RSPO3: variants seen among roughly 807,000 people sequenced by gnomAD.
The protein encoded by RSPO3 is R-spondin 3, also known as R-spondin-3.
In RSPO3, 17 loss-of-function variants were observed where a neutral mutation model predicts 36.5. That is an observed-to-expected ratio of 0.47 (90% CI 0.32 to 0.70). The LOEUF (loss-of-function observed/expected upper bound fraction) is 0.70, where lower values mean the gene tolerates loss of function less well. Ranked by LOEUF, RSPO3 falls within the 30% of genes least tolerant of loss-of-function variation. RSPO3 has a pLI of 0.04. For missense variants in RSPO3, 294 were observed against 322.5 expected (o/e 0.91, Z 0.68); for synonymous variants, 108 against 107.0 (o/e 1.01, Z -0.06).
At chr6:127,167,307 TG>T (rs1774840774) in intron 4 of RSPO3, among the ~76,000 whole-genome samples, 1 of 151,924 alleles carries the variant, frequency 6.6e-6, no homozygotes, top group African/African-American at 2.4e-5. Context: ...TACCAGTGTG[TG>T]TTGTTTTCCC....
chr6:127,155,069 T>C (rs1028255720), intron 3 of RSPO3, among the ~76,000 whole-genome samples, 172 bp from the exon 4 acceptor site: 1 of 152,184 alleles, frequency 6.6e-6, no homozygotes, highest in Non-Finnish European at 1.5e-5. Flanking sequence ...AAACATTCAA[T>C]TTCTGCCTTT....
chr6:127,193,425 G>A (rs1156444495), intron 4 of RSPO3, among the ~76,000 whole-genome samples: 2 of 152,178 alleles, frequency 1.3e-5, no homozygotes, highest in South Asian at 4.1e-4. Context: ...ATGTTGGACC[G>A]TCATCAAGAG....
At chr6:127,184,434 C>A (rs1775249719) in intron 4 of RSPO3, among the ~76,000 whole-genome samples, 1 of 150,604 alleles carries the variant, frequency 6.6e-6, no homozygotes, top group Non-Finnish European at 1.5e-5. Flanking sequence ...ACATAGGGAC[C>A]CAATCAAACA....
chr6:127,182,470 T>C (rs1045839597), intron 4 of RSPO3, among the ~76,000 whole-genome samples: 6 of 152,018 alleles, frequency 3.9e-5, no homozygotes, highest in Admixed American at 6.6e-5. Flanking sequence ...TATTTCGTTC[T>C]TAAATACTTC....
intron 4 of RSPO3, among the ~76,000 whole-genome samples, chr6:127,167,072 T>C (rs573839006): frequency 8.5e-5 from 13 of 152,124 alleles, no homozygotes; most frequent in Non-Finnish European, 1.5e-4. Context: ...GACTATAATG[T>C]GTTTTGCTTT....
chr6:127,137,162 C>T (rs1381009019), intron 1 of RSPO3, among the ~76,000 whole-genome samples: 4 of 152,038 alleles, frequency 2.6e-5, no homozygotes, highest in East Asian at 1.9e-4. Flanking sequence ...GAGGCTGAGG[C>T]GGGTGGATCA....
intron 4 of RSPO3, among the ~76,000 whole-genome samples, chr6:127,161,500 CT>C (rs1403677971): frequency 2.0e-5 from 3 of 152,128 alleles, no homozygotes; most frequent in African/African-American, 7.2e-5. Context: ...TTTTTGTAGG[CT>C]CTCTGAGATT....
chr6:127,164,967 T>A (rs1276429419), intron 4 of RSPO3, among the ~76,000 whole-genome samples: 27 of 152,200 alleles, frequency 1.8e-4, no homozygotes, highest in East Asian at 5.8e-4. Context: ...ACATTTTATA[T>A]CTCAATGCAA....
intron 4 of RSPO3, among the ~76,000 whole-genome samples, chr6:127,178,777 AAC>A (rs1322796587): frequency 1.3e-5 from 2 of 151,806 alleles, no homozygotes; most frequent in East Asian, 1.9e-4. Context: ...AAGCAGACTA[AAC>A]ACACAGTTCT....
chr6:127,171,607 A>G (rs1160689364), intron 4 of RSPO3, among the ~76,000 whole-genome samples: 2 of 151,786 alleles, frequency 1.3e-5, no homozygotes, highest in East Asian at 3.9e-4. Flanking sequence ...GCTTGTTGTA[A>G]TGTTTAACAC....
At chr6:127,194,723 T>C (rs563565991) in intron 4 of RSPO3, among the ~76,000 whole-genome samples, 5 of 152,292 alleles carry the variant, frequency 3.3e-5, no homozygotes, top group Non-Finnish European at 5.9e-5. Context: ...CCTTTTCACA[T>C]CCAAACCTTT....
At chr6:127,161,580 T>C (rs1468308665) in intron 4 of RSPO3, among the ~76,000 whole-genome samples, 1 of 152,184 alleles carries the variant, frequency 6.6e-6, no homozygotes, top group Non-Finnish European at 1.5e-5. Flanking sequence ...TACTTAATTG[T>C]TATTATCATC....
At position 127,118,966 on chromosome 6, in the gene RSPO3, G is replaced by C. The variant is rs1773774584; in HGVS notation, c.-227G>C. On this transcript the variant is annotated 5_prime_UTR_variant, in exon 1 of 5. Transcript: ENST00000356698. ...CGATGCCAGCCACCCCAGCGAAGCC[G>C]CCGCAGTTCAGTGCTTGGATAATTT... 1 of 342,508 alleles carries C rather than the reference G, an allele frequency of 2.9e-6. No homozygotes were observed. The highest frequency in any genetic ancestry group is 1.2e-4 in the South Asian group (1 of 8,188). 21.2% of individuals were successfully genotyped at this position (342,508 alleles called of 1,614,324 possible).
At position 127,197,267 on chromosome 6, in the gene RSPO3, T is replaced by C. The variant is rs1775533400; in HGVS notation, c.*1260T>C. 2.4e-6 allele frequency: 2 copies of C among 833,210 alleles called. No individual in the cohort carries two copies. The highest frequency in any genetic ancestry group is 3.6e-6 in the Non-Finnish European group (2 of 552,102). 51.6% of individuals were successfully genotyped at this position (833,210 alleles called of 1,614,324 possible). A position where few individuals can be genotyped will look rare whatever the true frequency, so the allele number is the denominator to read the frequency against. ...TATTTATTCCATTTTCTTATTTTAA[T>C]CAACATTCTAATTATAGACACATGG... On this transcript the variant is annotated 3_prime_UTR_variant, in exon 5 of 5. Transcript: ENST00000356698.
intron 1 of RSPO3, among the ~76,000 whole-genome samples, chr6:127,136,732 T>C (rs952901821): frequency 1.1e-4 from 17 of 152,164 alleles, no homozygotes; most frequent in Admixed American, 1.0e-3. Flanking sequence ...GTTGTTTTGT[T>C]TTTCTACAGT....
At chr6:127,192,053 T>C (rs1305530707) in intron 4 of RSPO3, among the ~76,000 whole-genome samples, 1 of 152,194 alleles carries the variant, frequency 6.6e-6, no homozygotes, top group African/African-American at 2.4e-5. Flanking sequence ...TCTCAGTCAT[T>C]CTTTTAGGCT....
At chr6:127,159,702 G>A (rs1352307274) in intron 4 of RSPO3, among the ~76,000 whole-genome samples, 1 of 142,862 alleles carries the variant, frequency 7.0e-6, no homozygotes, top group Non-Finnish European at 1.5e-5. Flanking sequence ...AGGCTGGAGT[G>A]CAGTGGCGCG....
chr6:127,144,643 G>GTTTTTTTTTGTTTTT (rs1554220627), intron 1 of RSPO3, among the ~76,000 whole-genome samples: 1 of 99,130 alleles, frequency 1.0e-5, no homozygotes, highest in African/African-American at 4.2e-5. Flanking sequence ...GCTTCCCCTT[G>GTTTTTTTTTGTTTTT]TTTTTTTTTT....
chr6:127,167,945 C>A (rs368255450), intron 4 of RSPO3, among the ~76,000 whole-genome samples: 6 of 151,884 alleles, frequency 4.0e-5, no homozygotes, highest in African/African-American at 1.5e-4. Flanking sequence ...TGAACTCATC[C>A]TTTTTTATGG....
Sources: gnomAD v4.1 joint callset for allele counts (sites outside exome capture counted in the v4.1 genomes callset) on GRCh38, gnomAD v4.1.1 for gene constraint, MANE v1.5 for transcripts, NCBI Gene and HGNC (gene_info 2026-07-23, HGNC 2026-07-21) for gene names.